EPHA1: variants seen among roughly 807,000 people sequenced by gnomAD.
EPHA1 encodes the protein ephrin type-A receptor 1.
Under a neutral mutation model 110.1 loss-of-function variants are expected in EPHA1, and 92 were observed. The observed-to-expected ratio is 0.84, with a 90% confidence interval of 0.71 to 0.99. EPHA1 has a LOEUF of 0.99. EPHA1 is among the 50% of genes least tolerant of loss of function. The pLI is 0.00. For synonymous variants in EPHA1, 500 were observed against 516.1 expected (o/e 0.97, Z 0.42); for missense variants, 1,204 against 1,285.4 (o/e 0.94, Z 0.97).
intron 6 of EPHA1, 64 bp from the exon 7 acceptor site, chr7:143,398,512 C>A: frequency 6.2e-7 from 1 of 1,609,830 alleles, no homozygotes; most frequent in African/African-American, 1.3e-5. Context: ...AGTAACTTTT[C>A]TATGGCTTCC....
In EPHA1 at chr7:143,408,743, C is replaced by G; in HGVS notation, c.63G>C (p.Pro21=). 9.7e-7 allele frequency: 1 copy of G among 1,029,900 alleles called. No homozygotes were observed. Among genetic ancestry groups the G allele is most frequent in the Non-Finnish European group, 1.2e-6 (1 of 806,690 alleles). The allele number at this position is 1,029,900 out of a possible 1,614,324, so 63.8% of individuals were successfully genotyped here. Residue 21 remains proline (P), a synonymous_variant, in exon 1 of 18, where the codon CCG becomes CCC. Coordinates refer to ENST00000275815, the MANE Select transcript of EPHA1 (RefSeq NM_005232.5). ...LVLLLCAPLP[P]GARAKEVTLM... ...CGGTACCTTCCTTGGCGCGCGCCCC[C>G]GGGGGCAGCGGGGCGCAGAGCAGCA...
At chr7:143,397,395 C>G (rs1464083094) in intron 9 of EPHA1, 33 bp from the exon 10 acceptor site, 2 of 1,549,346 alleles carry the variant, frequency 1.3e-6, no homozygotes, top group African/African-American at 2.7e-5. Flanking sequence ...CCTTCAGGGC[C>G]CCAGGACCAC....
At position 143,401,725 on chromosome 7, in the gene EPHA1, G is replaced by A; in HGVS notation, c.151-120C>T. On this transcript the variant is annotated intron_variant, in intron 2 of 17. Coordinates refer to ENST00000275815, the MANE Select transcript of EPHA1 (RefSeq NM_005232.5). The surrounding 1 kb of genome is among the most constrained non-coding windows in gnomAD (Gnocchi z 4.1). ...CCCTCAGGTTTATGCTACTTGTTCTGCCTCTCCCCACCCCTCAGCTCCAGG... is the reference window on the plus strand; with the variant it reads ...CCCTCAGGTTTATGCTACTTGTTCTACCTCTCCCCACCCCTCAGCTCCAGG... 8.2e-7 allele frequency: 1 copy of A among 1,221,126 alleles called. No homozygotes were observed. The highest frequency in any genetic ancestry group is 1.1e-6 in the Non-Finnish European group (1 of 870,678). The allele number at this position is 1,221,126 out of a possible 1,614,324, so 75.6% of individuals were successfully genotyped here. A position where few individuals can be genotyped will look rare whatever the true frequency, so the allele number is the denominator to read the frequency against.
Position 143,394,949 on chromosome 7 carries a change from C to T in EPHA1, c.2211G>A (p.Met737Ile), listed in dbSNP as rs553708553. ...CATAATTGTGATTACTGAGGTAGTT[C>T]ATGCCAGATGCTATGCCCTGCAGCA... ...VAMLQGIASG[M>I]NYLSNHNYVH... is the part of the protein sequence containing the mutation. The change falls in exon 14 of 18, where the codon ATG (methionine) becomes ATA (isoleucine). Residue 737 changes from methionine to isoleucine, a missense_variant. By Grantham distance (10) the Met-to-Ile change is conservative. Transcript: ENST00000275815. 78 of 1,614,032 alleles carry T rather than the reference C, an allele frequency of 4.8e-5. No homozygotes were observed. Among genetic ancestry groups the T allele is most frequent in the Admixed American group, 1.0e-4 (6 of 60,006 alleles).
chr7:143,401,442 T>C lies in EPHA1; in HGVS notation c.314A>G (p.Asp105Gly), dbSNP rs1460792502. The part of the protein sequence containing the change: ...VHVELQFTVR[D>G]CKSFPGGAGP... ...GGCTCCCCCAGGGAAACTCTTGCAG[T>C]CCCGCACGGTGAACTGCAGCTCCAC... is the stretch of plus-strand genomic sequence containing the variant. The change falls in exon 3 of 18, where the codon GAC becomes GGC. Residue 105 changes from aspartate (D) to glycine (G), a missense_variant. Coordinates refer to ENST00000275815, the MANE Select transcript of EPHA1 (RefSeq NM_005232.5). The surrounding 1 kb of genome is among the most constrained non-coding windows in gnomAD (Gnocchi z 4.1). 1 of 1,614,086 alleles carries C rather than the reference T, an allele frequency of 6.2e-7. No individual in the cohort carries two copies. The highest frequency in any genetic ancestry group is 1.1e-5 in the South Asian group (1 of 91,074).
chr7:143,408,611 G>A (rs1242589641), intron 1 of EPHA1, 113 bp downstream of exon 1: 2 of 283,126 alleles, frequency 7.1e-6, no homozygotes, highest in African/African-American at 1.1e-4. Flanking sequence ...GAGCTGGCGA[G>A]GGTCTCGGGG....
chr7:143,395,119 AC>A lies in EPHA1; in HGVS notation c.2145+1del. On this transcript the variant is annotated splice_donor_variant, in intron 13 of 17. Coordinates refer to ENST00000275815, the MANE Select transcript of EPHA1 (RefSeq NM_005232.5). LOFTEE classifies it high-confidence loss of function. This position sits in a 1 kb window ranked among gnomAD's most constrained non-coding sequence, Gnocchi z 4.7. The stretch of plus-strand genomic sequence containing the variant: ...CCCCAGCTAGTCCTCTGCCCTCCTC[AC>A]CCTCAGGAAGGCATCCAGGGCTCCA... The A allele has an allele frequency of 3.7e-6, 6 of 1,613,522 alleles. No individual in the cohort carries two copies. The highest frequency in any genetic ancestry group is 1.7e-6 in the Non-Finnish European group (2 of 1,179,880).
At chr7:143,398,576 G>C in intron 6 of EPHA1, 25 bp downstream of exon 6, 1 of 1,609,006 alleles carries the variant, frequency 6.2e-7, no homozygotes, top group Non-Finnish European at 8.5e-7. Flanking sequence ...CCAGGTCCCT[G>C]TCCCAGCCCC....
Position 143,393,318 on chromosome 7 carries a change from T to C in EPHA1, c.2696+353A>G, listed in dbSNP as rs1362686762. Reference sequence around the variant, plus strand: ...TTTCCTTCACATGCAGAAATATTTCTATGGGGAAGGGGATGCATCCCAAGA... The same window carrying C: ...TTTCCTTCACATGCAGAAATATTTCCATGGGGAAGGGGATGCATCCCAAGA... On this transcript the variant is annotated intron_variant, in intron 16 of 17. Transcript: ENST00000275815. This position sits in a 1 kb window ranked among gnomAD's most constrained non-coding sequence, Gnocchi z 5.6. Among the ~76,000 whole-genome samples the C allele has an allele frequency of 6.6e-6, 1 of 152,036 alleles. No homozygotes were observed. The highest frequency in any genetic ancestry group is 1.5e-5 in the Non-Finnish European group (1 of 68,000).
intron 14 of EPHA1, 26 bp from the exon 15 acceptor site, chr7:143,394,369 G>A (rs1250777779): frequency 3.7e-6 from 6 of 1,603,386 alleles, no homozygotes; most frequent in African/African-American, 2.7e-5. Flanking sequence ...GGTCAGGGAC[G>A]GAAAGTTATG....
intron 10 of EPHA1, 110 bp from the exon 11 acceptor site, chr7:143,396,620 C>T: frequency 7.3e-7 from 1 of 1,365,962 alleles, no homozygotes; most frequent in Non-Finnish European, 1.0e-6. Context: ...TCCCTGTTTC[C>T]CAAGGTGACT....
rs1056746694 is a variant in EPHA1 at position 143,398,891 on chromosome 7, G to T, written c.1046C>A (p.Ser349Tyr). The T allele has an allele frequency of 6.2e-7, 1 of 1,613,332 alleles. No homozygotes were observed. Among genetic ancestry groups the T allele is most frequent in the African/African-American group, 1.3e-5 (1 of 74,908 alleles). Reference protein sequence around the residue: ...LSFSASGTQLSLRWEPPADTG... With the variant: ...LSFSASGTQLYLRWEPPADTG... The stretch of plus-strand genomic sequence containing the variant: ...ATCTGCTGGGGGTTCCCAACGCAGG[G>T]AGAGCTGAGTCCCTGAGGCAGAGAA... Residue 349 changes from serine (S) to tyrosine (Y), a missense_variant, in exon 6 of 18, where the codon TCC becomes TAC. Transcript: ENST00000275815.
intron 14 of EPHA1, 53 bp from the exon 15 acceptor site, chr7:143,394,396 G>A (rs1190770054): frequency 3.9e-6 from 6 of 1,536,872 alleles, no homozygotes; most frequent in African/African-American, 2.8e-5. Context: ...ACCTGAGCAC[G>A]AGTCTTTCTG....
rs755838535 is a variant in EPHA1, at chr7:143,398,933, G to A, written c.1004C>T (p.Ala335Val). 8 of 1,603,074 alleles carry A rather than the reference G, an allele frequency of 5.0e-6. No individual in the cohort carries two copies. The African/African-American group carries it at 5.4e-5, about 11-fold the overall frequency. Residue 335 changes from alanine (A) to valine (V), a missense_variant, in exon 6 of 18, where the codon GCC becomes GTC. Coordinates refer to ENST00000275815, the MANE Select transcript of EPHA1 (RefSeq NM_005232.5). Reference sequence around the variant, plus strand: ...GGCAGAGAAGCTCAGGTTTCGGGGGGCCGAGGGGGGACCTGTGGGAGAAGA... The same window carrying A: ...GGCAGAGAAGCTCAGGTTTCGGGGGACCGAGGGGGGACCTGTGGGAGAAGA... ...PQVACTGPPSAPRNLSFSASG... is the reference protein window; with the variant it reads ...PQVACTGPPSVPRNLSFSASG...
Position 143,395,993 on chromosome 7 carries a change from G to T in EPHA1, c.1897+392C>A, listed in dbSNP as rs960767257. Among the ~76,000 whole-genome samples the T allele has an allele frequency of 2.6e-5, 4 of 152,204 alleles. No homozygotes were observed. Among genetic ancestry groups the T allele is most frequent in the Non-Finnish European group, 2.9e-5 (2 of 68,028 alleles). On this transcript the variant is annotated intron_variant, in intron 11 of 17. Coordinates refer to ENST00000275815, the MANE Select transcript of EPHA1 (RefSeq NM_005232.5). The surrounding 1 kb of genome is among the most constrained non-coding windows in gnomAD (Gnocchi z 4.7). ...ACCCAAGGGAACAGGGCAGCCCAAG[G>T]ACACTGGGCCTCTGATGGGGTGGAA...
chr7:143,400,615 A>G (rs1462201223), intron 3 of EPHA1, among the ~76,000 whole-genome samples: 1 of 152,200 alleles, frequency 6.6e-6, no homozygotes, highest in Non-Finnish European at 1.5e-5. Flanking sequence ...GTCTTGCTAC[A>G]TGACTCCAGT....
At position 143,398,896 on chromosome 7, in the gene EPHA1, C is replaced by A; in HGVS notation, c.1041G>T (p.Gln347His). The A allele has an allele frequency of 6.2e-7, 1 of 1,613,186 alleles. No homozygotes were observed. Among genetic ancestry groups the A allele is most frequent in the Non-Finnish European group, 8.5e-7 (1 of 1,179,686 alleles). The stretch of plus-strand genomic sequence containing the variant: ...CTGGGGGTTCCCAACGCAGGGAGAG[C>A]TGAGTCCCTGAGGCAGAGAAGCTCA... ...RNLSFSASGTQLSLRWEPPAD... is the reference protein window; with the variant it reads ...RNLSFSASGTHLSLRWEPPAD... Residue 347 changes from glutamine to histidine, a missense_variant, in exon 6 of 18, where the codon CAG becomes CAT. Coordinates refer to ENST00000275815, the MANE Select transcript of EPHA1 (RefSeq NM_005232.5).
chr7:143,395,374 G>A lies in EPHA1; in HGVS notation c.2028C>T (p.Ile676=). The A allele has an allele frequency of 2.5e-6, 4 of 1,614,232 alleles. No individual in the cohort carries two copies. The highest frequency in any genetic ancestry group is 3.4e-6 in the Non-Finnish European group (4 of 1,180,050). Residue 676 remains isoleucine (I), a synonymous_variant, in exon 12 of 18, where the codon ATC becomes ATT. Coordinates refer to ENST00000275815, the MANE Select transcript of EPHA1 (RefSeq NM_005232.5). This position sits in a 1 kb window ranked among gnomAD's most constrained non-coding sequence, Gnocchi z 4.7. The part of the protein sequence containing the change: ...QWWNFLREAT[I]MGQFSHPHIL... ...TATGCGGGTGGCTAAACTGGCCCAT[G>A]ATAGTTGCCTCTCGAAGGAAGTTCC...
intron 16 of EPHA1, among the ~76,000 whole-genome samples, chr7:143,392,739 C>T (rs546138727): frequency 6.2e-4 from 94 of 152,214 alleles, no homozygotes; most frequent in African/African-American, 2.1e-3. Context: ...GTCAGGAGTT[C>T]GAGACCAGCT....
Sources: allele counts gnomAD v4.1 joint callset (sites outside exome capture counted in the v4.1 genomes callset), GRCh38; gene constraint gnomAD v4.1.1; non-coding constraint Gnocchi (gnomAD v3.1); transcripts MANE v1.5; gene names NCBI Gene and HGNC (gene_info 2026-07-23, HGNC 2026-07-21).